The following TMTC1 variants were observed in gnomAD, a reference collection of about 807,000 sequenced individuals.
TMTC1 encodes transmembrane O-mannosyltransferase targeting cadherins 1.
A neutral mutation model predicts 104.8 loss-of-function variants in TMTC1; 73 were observed. That is an observed-to-expected ratio of 0.70 (90% CI 0.58 to 0.85). TMTC1 has a LOEUF of 0.85. Ranked by LOEUF, TMTC1 falls within the 40% of genes least tolerant of loss-of-function variation. The pLI is 0.00. For missense variants in TMTC1, 1,035 were observed against 1,096.1 expected, an observed-to-expected ratio of 0.94 and a Z score of 0.79; for synonymous variants, 434 against 428.7, an observed-to-expected ratio of 1.01 and a Z score of -0.15.
intron 5 of TMTC1, among the ~76,000 whole-genome samples, chr12:29,721,195 G>A (rs1415631726): frequency 1.3e-5 from 2 of 152,166 alleles, no homozygotes; most frequent in Non-Finnish European, 2.9e-5. Context: ...GCATGTGTGT[G>A]TGTTGAGAGA....
intron 5 of TMTC1, among the ~76,000 whole-genome samples, chr12:29,662,704 A>C (rs1940091508): frequency 6.6e-6 from 1 of 151,640 alleles, no homozygotes; most frequent in African/African-American, 2.4e-5. Context: ...TGCTTACAAA[A>C]CACATGTGGC....
chr12:29,552,292 A>G (rs985819859), intron 10 of TMTC1, among the ~76,000 whole-genome samples: 1 of 152,208 alleles, frequency 6.6e-6, no homozygotes, highest in Admixed American at 6.5e-5. Flanking sequence ...AAGAATGCAC[A>G]CCATCTCAGT....
intron 10 of TMTC1, among the ~76,000 whole-genome samples, chr12:29,541,080 T>C (rs1944784583): frequency 6.6e-6 from 1 of 152,200 alleles, no homozygotes; most frequent in Admixed American, 6.5e-5. Flanking sequence ...TTAAATGTTT[T>C]CCAATATTTG....
chr12:29,519,054 A>G (rs1322055721), intron 12 of TMTC1, among the ~76,000 whole-genome samples: 1 of 152,222 alleles, frequency 6.6e-6, no homozygotes, highest in African/African-American at 2.4e-5. Flanking sequence ...ATACTTCAAC[A>G]TAGCAATTGA....
chr12:29,643,863 A>ATT (rs1939097114), intron 5 of TMTC1, among the ~76,000 whole-genome samples: 4 of 57,942 alleles, frequency 6.9e-5, no homozygotes, highest in Non-Finnish European at 1.3e-4. Context: ...ATATTTATAT[A>ATT]TATTTTTATA....
Position 29,748,957 on chromosome 12 carries a change from G to T in TMTC1, c.938+2709C>A, listed in dbSNP as rs141105352. ...ACTTTGCTATTATCTATGCTTTTGA[G>T]GTTATTTATGTCTATTGCATCCGTC... On this transcript the variant is annotated intron_variant, in intron 5 of 17. Coordinates refer to ENST00000539277, the MANE Select transcript of TMTC1 (RefSeq NM_001193451.2). Among the ~76,000 whole-genome samples, 581 of 152,232 alleles carry T rather than the reference G, an allele frequency of 3.8e-3. 2 individuals are homozygous for T. Among genetic ancestry groups the T allele is most frequent in the African/African-American group, 0.013 (538 of 41,544 alleles).
At chr12:29,665,374 T>G (rs1480921664) in intron 5 of TMTC1, among the ~76,000 whole-genome samples, 1 of 152,154 alleles carries the variant, frequency 6.6e-6, no homozygotes, top group African/African-American at 2.4e-5. Context: ...CCATAGTAAA[T>G]TCCCTAATCT....
At chr12:29,636,404 C>A (rs952845576) in intron 5 of TMTC1, among the ~76,000 whole-genome samples, 1 of 152,174 alleles carries the variant, frequency 6.6e-6, no homozygotes, top group Non-Finnish European at 1.5e-5. Flanking sequence ...TACGTTTTGG[C>A]CTTGCTCTGC....
intron 5 of TMTC1, among the ~76,000 whole-genome samples, chr12:29,661,745 A>T (rs1175733230): frequency 1.3e-5 from 2 of 152,014 alleles, no homozygotes; most frequent in Non-Finnish European, 2.9e-5. Context: ...CAGTTAAATA[A>T]TTTTTTTAAG....
intron 1 of TMTC1, among the ~76,000 whole-genome samples, chr12:29,769,666 C>T (rs1361463632): frequency 6.6e-6 from 1 of 152,214 alleles, no homozygotes; most frequent in African/African-American, 2.4e-5. Context: ...TGATTTTACA[C>T]TGCATTCCAC....
intron 5 of TMTC1, among the ~76,000 whole-genome samples, chr12:29,668,523 C>A (rs1222277732): frequency 7.3e-6 from 1 of 136,888 alleles, no homozygotes; most frequent in African/African-American, 2.8e-5. Context: ...TGCAGTGGCA[C>A]GATCTCAGCT....
intron 5 of TMTC1, among the ~76,000 whole-genome samples, chr12:29,734,330 G>A (rs2136924087): frequency 6.6e-6 from 1 of 152,296 alleles, no homozygotes; most frequent in South Asian, 2.1e-4. Flanking sequence ...TTACTAACCT[G>A]AAGAATAACT....
intron 5 of TMTC1, among the ~76,000 whole-genome samples, chr12:29,740,763 T>C (rs1254193157): frequency 1.3e-5 from 2 of 152,134 alleles, no homozygotes; most frequent in African/African-American, 2.4e-5. Context: ...TGAGCCACTA[T>C]GCCCGGCCCA....
intron 5 of TMTC1, among the ~76,000 whole-genome samples, chr12:29,692,891 C>T (rs890989373): frequency 6.9e-6 from 1 of 144,044 alleles, no homozygotes; most frequent in Non-Finnish European, 1.5e-5. Flanking sequence ...AAGCCTGACA[C>T]AAAATAACAC....
chr12:29,630,432 T>C (rs1938238584), intron 6 of TMTC1, among the ~76,000 whole-genome samples: 2 of 152,144 alleles, frequency 1.3e-5, no homozygotes, highest in African/African-American at 4.8e-5. Context: ...TGTGGGTAAC[T>C]GCCCCCATGA....
intron 5 of TMTC1, chr12:29,666,332 A>G (rs1940286125): frequency 8.5e-6 from 3 of 352,752 alleles, no homozygotes; most frequent in South Asian, 6.5e-5. Context: ...GGTTCATGCC[A>G]TTTTCCTGCC....
chr12:29,541,909 G>A (rs897500878), intron 10 of TMTC1, among the ~76,000 whole-genome samples: 13 of 151,974 alleles, frequency 8.6e-5, no homozygotes, highest in Admixed American at 2.0e-4. Context: ...CGCCTGCCTC[G>A]GCCTCCCAAA....
At chr12:29,650,822 G>A (rs1939485477) in intron 5 of TMTC1, among the ~76,000 whole-genome samples, 1 of 152,146 alleles carries the variant, frequency 6.6e-6, no homozygotes, top group African/African-American at 2.4e-5. Flanking sequence ...CAGTTCTGGT[G>A]GTTCATGAAA....
intron 7 of TMTC1, among the ~76,000 whole-genome samples, chr12:29,590,485 G>A (rs1389834433): frequency 6.6e-6 from 1 of 152,088 alleles, no homozygotes; most frequent in African/African-American, 2.4e-5. Context: ...TCCCCCCTTT[G>A]CCTTTAAAAA....
Sources: gnomAD v4.1 joint callset for allele counts (sites outside exome capture counted in the v4.1 genomes callset) on GRCh38, gnomAD v4.1.1 for gene constraint, MANE v1.5 for transcripts, NCBI Gene and HGNC (gene_info 2026-07-23, HGNC 2026-07-21) for gene names.